Variants in VMP1 observed in about 807,000 individuals in gnomAD.
The protein encoded by VMP1 is ectopic P-granules autophagy protein 3 homolog.
Under a neutral mutation model 56.0 loss-of-function variants are expected in VMP1, and 11 were observed. The ratio of observed to expected loss-of-function variants is 0.20; its 90% CI spans 0.12 to 0.32. The LOEUF is 0.32. Ranked by LOEUF, VMP1 falls within the 10% of genes least tolerant of loss-of-function variation. The pLI, the probability that VMP1 is intolerant of heterozygous loss-of-function variation, is 1.00. For synonymous variants in VMP1, 149 were observed against 165.0 expected (o/e 0.90, Z 0.74); for missense variants, 296 against 490.3 (o/e 0.60, Z 3.74).
intron 1 of VMP1, among the ~76,000 whole-genome samples, chr17:59,728,684 A>ATTATTCAT (rs1555612973): frequency 3.3e-5 from 5 of 151,298 alleles, no homozygotes; most frequent in African/African-American, 1.2e-4. Context: ...AATAAATGAG[A>ATTATTCAT]TTATTTATTT....
chr17:59,786,573 C>T (rs1035623651), intron 7 of VMP1, among the ~76,000 whole-genome samples: 1 of 152,162 alleles, frequency 6.6e-6, no homozygotes, highest in Non-Finnish European at 1.5e-5. Flanking sequence ...CTGTTTTTGA[C>T]TCTGATGAAC....
chr17:59,711,817 T>G (rs990351043), intron 1 of VMP1, among the ~76,000 whole-genome samples: 37 of 152,138 alleles, frequency 2.4e-4, no homozygotes, highest in Non-Finnish European at 4.3e-4. Context: ...GCTCAAGAGT[T>G]TGTTTGTATT....
intron 10 of VMP1, among the ~76,000 whole-genome samples, chr17:59,829,162 G>A (rs1240080939): frequency 6.6e-6 from 1 of 152,128 alleles, no homozygotes; most frequent in Non-Finnish European, 1.5e-5. Context: ...GTTCTATTCA[G>A]TTAAATGGTA....
chr17:59,762,687 T>C (rs2036099559), intron 5 of VMP1, among the ~76,000 whole-genome samples: 1 of 152,164 alleles, frequency 6.6e-6, no homozygotes, highest in African/African-American at 2.4e-5. Flanking sequence ...CATGACTTAC[T>C]AGTGTGGTTA....
rs117076862 is a variant in VMP1, at chr17:59,787,259, C to T, written c.714+13374C>T. 3.4e-4 allele frequency among the ~76,000 whole-genome samples: 52 copies of T among 152,302 alleles called. No homozygotes were observed. In the East Asian group the frequency reaches 8.9e-3, roughly 26 times the overall value. ...GTGGAATTCTTCGTGCCCCCTTTTA[C>T]TTGCTTTCTCTAGAAGCATTTACTT... On this transcript the variant is annotated intron_variant, in intron 7 of 11. Transcript: ENST00000262291.
intron 10 of VMP1, chr17:59,838,059 A>T: frequency 3.2e-6 from 1 of 313,162 alleles, no homozygotes; most frequent in South Asian, 6.2e-5. Flanking sequence ...TTGGTGGGAG[A>T]GATTTTGGTT....
chr17:59,773,932 A>G, intron 7 of VMP1, 47 bp downstream of exon 7: 1 of 1,513,218 alleles, frequency 6.6e-7, no homozygotes, highest in East Asian at 2.4e-5. Context: ...TTCTTCCTAA[A>G]GAGGCTATTA....
intron 7 of VMP1, among the ~76,000 whole-genome samples, chr17:59,801,533 C>T (rs891646764): frequency 6.6e-6 from 1 of 151,988 alleles, no homozygotes; most frequent in Admixed American, 6.6e-5. Flanking sequence ...GGATTATAGG[C>T]ATGAGCCACT....
At chr17:59,818,301 A>AGGTTG (rs1211157862) in intron 10 of VMP1, among the ~76,000 whole-genome samples, 1 of 152,116 alleles carries the variant, frequency 6.6e-6, no homozygotes. Context: ...TGGGAGGCAG[A>AGGTTG]GGTTGCAGTG....
chr17:59,771,606 G>GTTT (rs1306304917), intron 6 of VMP1, among the ~76,000 whole-genome samples: 17 of 123,444 alleles, frequency 1.4e-4, no homozygotes, highest in South Asian at 2.6e-4. Flanking sequence ...GGTTTTTTTG[G>GTTT]TTTTTTTTTT....
intron 7 of VMP1, among the ~76,000 whole-genome samples, chr17:59,781,227 G>A (rs920867029): frequency 3.3e-5 from 5 of 151,928 alleles, no homozygotes; most frequent in African/African-American, 1.2e-4. Flanking sequence ...TTTGTTTTAG[G>A]CCCTTTGCTT....
intron 7 of VMP1, among the ~76,000 whole-genome samples, chr17:59,803,841 A>C (rs2037754678): frequency 6.6e-6 from 1 of 152,134 alleles, no homozygotes; most frequent in Non-Finnish European, 1.5e-5. Flanking sequence ...GTTTTTCTTA[A>C]AAATATTGTT....
chr17:59,746,951 G>A (rs961370862), intron 5 of VMP1, among the ~76,000 whole-genome samples: 4 of 152,098 alleles, frequency 2.6e-5, no homozygotes, highest in African/African-American at 9.7e-5. Context: ...GTATTCATCA[G>A]GTTCTCCAAA....
intron 5 of VMP1, among the ~76,000 whole-genome samples, chr17:59,739,204 G>A (rs948533922): frequency 1.3e-5 from 2 of 152,178 alleles, no homozygotes; most frequent in South Asian, 4.1e-4. Context: ...TAGCGTGGAA[G>A]GTTTTTCTTT....
chr17:59,780,877 T>C (rs1306303460), intron 7 of VMP1, among the ~76,000 whole-genome samples: 2 of 152,164 alleles, frequency 1.3e-5, no homozygotes, highest in African/African-American at 2.4e-5. Context: ...TGTGAGCCCC[T>C]GTGCCCAGCC....
Position 59,841,552 on chromosome 17 carries a change from G to T in VMP1, c.*1641G>T. 5.0e-6 allele frequency: 1 copy of T among 198,442 alleles called. No homozygotes were observed. Among genetic ancestry groups the T allele is most frequent in the African/African-American group, 2.3e-5 (1 of 43,518 alleles). The allele number at this position is 198,442 out of a possible 1,614,324, so 12.3% of individuals were successfully genotyped here. A position where few individuals can be genotyped will look rare whatever the true frequency, so the allele number is the denominator to read the frequency against. On this transcript the variant is annotated 3_prime_UTR_variant, in exon 12 of 12. Coordinates refer to ENST00000262291, the MANE Select transcript of VMP1 (RefSeq NM_030938.5). The stretch of plus-strand genomic sequence containing the variant: ...TAAAGGAAAACTAAGCTGCATTGTG[G>T]GTTTTGAAAAGGTTATTATACTTCT...
chr17:59,799,343 C>T (rs2037556945), intron 7 of VMP1, among the ~76,000 whole-genome samples: 2 of 152,028 alleles, frequency 1.3e-5, no homozygotes, highest in Admixed American at 6.6e-5. Flanking sequence ...TATAGAAATA[C>T]CAGTGACCAT....
intron 5 of VMP1, among the ~76,000 whole-genome samples, chr17:59,740,172 G>A (rs1226542068): frequency 1.3e-5 from 2 of 152,096 alleles, no homozygotes; most frequent in Non-Finnish European, 2.9e-5. Flanking sequence ...GTCAGAGCTA[G>A]AACTAGGGAG....
rs2037197548 is a variant in VMP1, at chr17:59,790,798, A to AG, written c.714+16914dup. ...AGGGCAAGCTCCATCTCGAAAAAAAAGAAAGTTTTAAAGTTTACACTCAAA... is the reference window on the plus strand; with the variant it reads ...AGGGCAAGCTCCATCTCGAAAAAAAAGGAAAGTTTTAAAGTTTACACTCAAA... On this transcript the variant is annotated intron_variant, in intron 7 of 11. Coordinates refer to ENST00000262291, the MANE Select transcript of VMP1 (RefSeq NM_030938.5). 1.3e-5 allele frequency among the ~76,000 whole-genome samples: 2 copies of AG among 152,228 alleles called. 1 individual carries two copies. The highest frequency in any genetic ancestry group is 4.1e-4 in the South Asian group (2 of 4,832).
Sources: allele counts gnomAD v4.1 joint callset (sites outside exome capture counted in the v4.1 genomes callset), GRCh38; gene constraint gnomAD v4.1.1; transcripts MANE v1.5; gene names NCBI Gene and HGNC (gene_info 2026-07-23, HGNC 2026-07-21).